The following DENND1A variants were observed in gnomAD, a reference collection of about 807,000 sequenced individuals.
The protein encoded by DENND1A is DENN domain-containing protein 1A.
Under a neutral mutation model 113.7 loss-of-function variants are expected in DENND1A, and 51 were observed. That is an observed-to-expected ratio of 0.45 (90% CI 0.36 to 0.57). The LOEUF is 0.57. DENND1A is among the 20% of genes least tolerant of loss of function. DENND1A has a pLI of 0.00. For missense variants in DENND1A, 1,258 were observed against 1,395.9 expected, an observed-to-expected ratio of 0.90 and a Z score of 1.57; for synonymous variants, 565 against 570.8, an observed-to-expected ratio of 0.99 and a Z score of 0.14.
At chr9:123,635,375 G>C (rs2061653763) in intron 9 of DENND1A, among the ~76,000 whole-genome samples, 1 of 152,232 alleles carries the variant, frequency 6.6e-6, no homozygotes, top group Non-Finnish European at 1.5e-5. Flanking sequence ...ACTTGCCCAA[G>C]GCCACATCGA....
chr9:123,793,999 A>G lies in DENND1A; in HGVS notation c.89-1369T>C, dbSNP rs1051467282. 7.9e-5 allele frequency among the ~76,000 whole-genome samples: 12 copies of G among 152,310 alleles called. No homozygotes were observed. In the East Asian group the frequency reaches 2.3e-3, roughly 29 times the overall value. On this transcript the variant is annotated intron_variant, in intron 2 of 23. Transcript: ENST00000394215. The stretch of plus-strand genomic sequence containing the variant: ...GTCTTCAACTACTGGGAAGGAATCA[A>G]TGATGTGCCTAGACCGACTAGAGAA...
At chr9:123,915,256 T>C (rs1854878249) in intron 1 of DENND1A, among the ~76,000 whole-genome samples, 1 of 152,116 alleles carries the variant, frequency 6.6e-6, no homozygotes, top group African/African-American at 2.4e-5. Context: ...TTATTAACAT[T>C]CTCCTTCAAA....
chr9:123,855,993 C>A (rs191726939), intron 2 of DENND1A, among the ~76,000 whole-genome samples: 1 of 152,012 alleles, frequency 6.6e-6, no homozygotes, highest in Admixed American at 6.5e-5. Context: ...GCCGAGATCG[C>A]GCCATTGCAC....
intron 13 of DENND1A, among the ~76,000 whole-genome samples, chr9:123,505,372 T>C (rs1368242601): frequency 6.6e-6 from 1 of 152,244 alleles, no homozygotes; most frequent in African/African-American, 2.4e-5. Flanking sequence ...TTGGGCTTAT[T>C]TCTTCTTTAA....
chr9:123,437,182 T>C (rs984804873), intron 19 of DENND1A, among the ~76,000 whole-genome samples: 2 of 152,154 alleles, frequency 1.3e-5, no homozygotes, highest in Non-Finnish European at 2.9e-5. Flanking sequence ...CCCACAATGG[T>C]AGGGACTGAG....
intron 13 of DENND1A, among the ~76,000 whole-genome samples, chr9:123,489,315 A>G (rs1232416090): frequency 6.6e-6 from 1 of 152,240 alleles, no homozygotes; most frequent in Non-Finnish European, 1.5e-5. Context: ...AGCCGCTAGC[A>G]CAGCAGTGGC....
chr9:123,467,719 C>T (rs928620277), intron 13 of DENND1A, among the ~76,000 whole-genome samples: 1 of 152,164 alleles, frequency 6.6e-6, no homozygotes, highest in Non-Finnish European at 1.5e-5. Flanking sequence ...AATTTCAGGA[C>T]GGTGACAGCA....
chr9:123,600,958 T>C (rs2059912833), intron 11 of DENND1A, among the ~76,000 whole-genome samples: 2 of 152,176 alleles, frequency 1.3e-5, no homozygotes, highest in South Asian at 2.1e-4. Flanking sequence ...TGCCCACTGC[T>C]CCTTACCTCA....
Position 123,548,737 on chromosome 9 carries a change from GA to G in DENND1A, c.993+8832del, listed in dbSNP as rs1589088767. On this transcript the variant is annotated intron_variant, in intron 13 of 23. Coordinates refer to ENST00000394215, the MANE Select transcript of DENND1A (RefSeq NM_001352964.2). ...TAGTGGAATATTATTCAGTCTTAAAGAGGGCTGAAGTTCTGATGCATGCTAT... is the reference window on the plus strand; with the variant it reads ...TAGTGGAATATTATTCAGTCTTAAAGGGGCTGAAGTTCTGATGCATGCTAT... Among the ~76,000 whole-genome samples the G allele has an allele frequency of 2.0e-5, 3 of 152,240 alleles. No individual in the cohort carries two copies. The East Asian group carries it at 5.8e-4, about 29-fold the overall frequency.
At chr9:123,517,330 G>A (rs910410389) in intron 13 of DENND1A, among the ~76,000 whole-genome samples, 4 of 151,268 alleles carry the variant, frequency 2.6e-5, no homozygotes, top group African/African-American at 9.7e-5. Context: ...AATTTAAACA[G>A]GAAGGGAGGG....
chr9:123,490,598 C>CA (rs1005635284), intron 13 of DENND1A, among the ~76,000 whole-genome samples: 11 of 150,606 alleles, frequency 7.3e-5, no homozygotes, highest in Admixed American at 2.0e-4. Flanking sequence ...AAAAATAAAA[C>CA]AAAAAAACAA....
intron 2 of DENND1A, chr9:123,798,171 G>C (rs1834056378): frequency 6.6e-6 from 1 of 152,070 alleles, no homozygotes; most frequent in Non-Finnish European, 1.5e-5. Flanking sequence ...TTTCACAGCA[G>C]CCAGCCTGAT....
At chr9:123,542,089 C>G (rs943558044) in intron 13 of DENND1A, among the ~76,000 whole-genome samples, 2 of 152,204 alleles carry the variant, frequency 1.3e-5, no homozygotes, top group Non-Finnish European at 2.9e-5. Context: ...TAATTGGTAG[C>G]TAATAAAACG....
At chr9:123,782,937 T>C (rs938575415) in intron 3 of DENND1A, among the ~76,000 whole-genome samples, 1 of 151,480 alleles carries the variant, frequency 6.6e-6, no homozygotes, top group African/African-American at 2.4e-5. Flanking sequence ...ATACCACTTC[T>C]GAAATCTGAA....
rs1341026498 is a variant in DENND1A, at chr9:123,381,396, CG to C, written c.*35del. The C allele has an allele frequency of 6.3e-7, 1 of 1,595,628 alleles. No homozygotes were observed. Among genetic ancestry groups the C allele is most frequent in the Non-Finnish European group, 8.6e-7 (1 of 1,168,810 alleles). On this transcript the variant is annotated 3_prime_UTR_variant, in exon 24 of 24. Coordinates refer to ENST00000394215, the MANE Select transcript of DENND1A (RefSeq NM_001352964.2). The surrounding 1 kb of genome is among the most constrained non-coding windows in gnomAD (Gnocchi z 4.7). ...GGAACCGCAGCAGTGGACGGACCCT[CG>C]GGCCTCGGTGCATCCCCCACCCTCA...
chr9:123,920,384 G>A (rs1239641899), intron 1 of DENND1A, among the ~76,000 whole-genome samples: 4 of 152,122 alleles, frequency 2.6e-5, no homozygotes, highest in East Asian at 1.9e-4. Context: ...AACCAAGATC[G>A]TGCCACTGCA....
intron 3 of DENND1A, among the ~76,000 whole-genome samples, chr9:123,788,865 G>A (rs530855186): frequency 2.6e-5 from 4 of 151,958 alleles, no homozygotes; most frequent in South Asian, 2.1e-4. Flanking sequence ...TTTAGACTAC[G>A]TCATATTACA....
At chr9:123,925,167 T>C (rs1856885269) in intron 1 of DENND1A, among the ~76,000 whole-genome samples, 1 of 152,162 alleles carries the variant, frequency 6.6e-6, no homozygotes, top group African/African-American at 2.4e-5. Context: ...TAATTCCCAA[T>C]GTCTAACACA....
At chr9:123,867,733 C>A (rs1845983096) in intron 2 of DENND1A, among the ~76,000 whole-genome samples, 1 of 152,086 alleles carries the variant, frequency 6.6e-6, no homozygotes, top group Admixed American at 6.5e-5. Context: ...TCCCCCTGCT[C>A]CCCCAACACA....
Sources: gnomAD v4.1 joint callset for allele counts (sites outside exome capture counted in the v4.1 genomes callset) on GRCh38, gnomAD v4.1.1 for gene constraint, Gnocchi (gnomAD v3.1) non-coding constraint, MANE v1.5 for transcripts, NCBI Gene and HGNC (gene_info 2026-07-23, HGNC 2026-07-21) for gene names.